Variants in NME9 observed in about 807,000 individuals in gnomAD.
The protein encoded by NME9 is NME/NM23 family member 9.
Under a neutral mutation model 44.4 loss-of-function variants are expected in NME9, and 48 were observed. That is an observed-to-expected ratio of 1.08 (90% confidence interval 0.86 to 1.37). The LOEUF is 1.37. Among genes scored for constraint, NME9 ranks in the 40% most tolerant of loss-of-function variants. The pLI is 0.00. For synonymous variants in NME9, 139 were observed against 147.1 expected (o/e 0.94, Z 0.40); for missense variants, 325 against 405.2 (o/e 0.80, Z 1.70).
chr3:138,280,440 C>T (rs910143308), intron 8 of NME9, among the ~76,000 whole-genome samples: 2 of 151,284 alleles, frequency 1.3e-5, no homozygotes, highest in African/African-American at 4.9e-5. Context: ...GCCTCAGCCT[C>T]CCAAGTAGCT....
downstream of NME9, among the ~76,000 whole-genome samples, chr3:138,299,638 GAGTCACC>G (rs1000491135): frequency 2.0e-5 from 3 of 152,084 alleles, no homozygotes; most frequent in African/African-American, 7.2e-5. Context: ...CAGCATCCCT[GAGTCACC>G]AGTAATGGGA....
In NME9 at chr3:138,315,621, A is replaced by G. The variant is rs562740272; in HGVS notation, c.290T>C (p.Val97Ala). The change falls in exon 5 of 11, where the codon GTT (valine) becomes GCT (alanine). Residue 97 changes from valine (V) to alanine (A), a missense_variant. Coordinates refer to ENST00000333911, the MANE Select transcript of NME9 (RefSeq NM_001349018.2). ...FYAGGELVAV[V>A]RGANAPLLQK... ...CAGCAGTGGGGCATTTGCTCCTCTAACCACAGCCACCAGTTCTCCTCCCTA... is the reference window on the plus strand; with the variant it reads ...CAGCAGTGGGGCATTTGCTCCTCTAGCCACAGCCACCAGTTCTCCTCCCTA... 10 of 1,536,518 alleles carry G rather than the reference A, an allele frequency of 6.5e-6. No homozygotes were observed. In the African/African-American group the frequency reaches 8.2e-5, roughly 13 times the overall value.
chr3:138,272,890 T>C (rs1226095867), intron 8 of NME9: 5 of 1,245,570 alleles, frequency 4.0e-6, no homozygotes, highest in Non-Finnish European at 4.2e-6. Context: ...AAAAAAAAAT[T>C]ACCAGAGTTA....
intron 8 of NME9, among the ~76,000 whole-genome samples, chr3:138,291,787 G>T (rs1031093083): frequency 1.4e-4 from 22 of 152,170 alleles, no homozygotes; most frequent in African/African-American, 5.3e-4. Context: ...GTGATAGTGG[G>T]TTCAAAGGCC....
chr3:138,285,893 C>T (rs2050358336), intron 8 of NME9, among the ~76,000 whole-genome samples: 1 of 152,214 alleles, frequency 6.6e-6, no homozygotes, highest in Non-Finnish European at 1.5e-5. Flanking sequence ...TTTTCCTTAA[C>T]TTCTCATACC....
rs2053992042 is a variant in NME9, at chr3:138,329,450, C to T, written c.-115G>A. The stretch of plus-strand genomic sequence containing the variant: ...CCAGAGCCTCCTTCAGACAAGCCCC[C>T]CTCCTACGGCCCCCGGCCCCTTTTT... On this transcript the variant is annotated 5_prime_UTR_variant, in exon 1 of 11. Coordinates refer to ENST00000333911, the MANE Select transcript of NME9 (RefSeq NM_001349018.2). 1.3e-6 allele frequency: 2 copies of T among 1,509,290 alleles called. No homozygotes were observed. Among genetic ancestry groups the T allele is most frequent in the East Asian group, 2.5e-5 (1 of 39,980 alleles). The allele number at this position is 1,509,290 out of a possible 1,614,324, so 93.5% of individuals were successfully genotyped here.
intron 8 of NME9, among the ~76,000 whole-genome samples, chr3:138,281,125 C>T (rs1326758460): frequency 6.6e-6 from 1 of 151,966 alleles, no homozygotes; most frequent in African/African-American, 2.4e-5. Context: ...TGGATTTGGC[C>T]CAAACCATAA....
At chr3:138,286,588 A>G (rs1021688549) in intron 8 of NME9, among the ~76,000 whole-genome samples, 1 of 152,164 alleles carries the variant, frequency 6.6e-6, no homozygotes, top group Non-Finnish European at 1.5e-5. Context: ...TCATTGTACA[A>G]TAGGACCTCG....
chr3:138,290,396 G>T, intron 8 of NME9: 1 of 612,372 alleles, frequency 1.6e-6, no homozygotes, highest in Non-Finnish European at 2.9e-6. Flanking sequence ...AGCATGAGCG[G>T]GTCCAACTAC....
intron 2 of NME9, among the ~76,000 whole-genome samples, chr3:138,322,374 TG>T (rs1275168818): frequency 2.2e-4 from 1 of 4,454 alleles, no homozygotes; most frequent in African/African-American, 9.0e-4. Flanking sequence ...GAAGCGGGGG[TG>T]GGGGGTAGGG....
At chr3:138,290,033 T>C (rs2050791237) in intron 8 of NME9, among the ~76,000 whole-genome samples, 1 of 152,156 alleles carries the variant, frequency 6.6e-6, no homozygotes, top group Non-Finnish European at 1.5e-5. Flanking sequence ...CAAGGAGATG[T>C]TAGTCTAGTT....
chr3:138,279,319 T>A (rs1462392197), intron 8 of NME9, among the ~76,000 whole-genome samples: 1 of 152,246 alleles, frequency 6.6e-6, no homozygotes, highest in Non-Finnish European at 1.5e-5. Flanking sequence ...TGAAATTGTT[T>A]TTTTAAAACT....
chr3:138,290,107 G>A (rs922107788), intron 8 of NME9, among the ~76,000 whole-genome samples: 1 of 152,220 alleles, frequency 6.6e-6, no homozygotes, highest in Non-Finnish European at 1.5e-5. Flanking sequence ...AACAAAAAGT[G>A]CTGGGAGGAC....
intron 8 of NME9, among the ~76,000 whole-genome samples, chr3:138,284,943 A>G (rs180779721): frequency 6.6e-6 from 1 of 152,354 alleles, no homozygotes; most frequent in Non-Finnish European, 1.5e-5. Context: ...TGCCATGGCC[A>G]TATCCTGCAT....
chr3:138,324,737 CA>C, intron 2 of NME9, 135 bp downstream of exon 2: 1 of 613,512 alleles, frequency 1.6e-6, no homozygotes. Flanking sequence ...CACACACACA[CA>C]CATCACCTGG....
chr3:138,306,219 C>A, intron 7 of NME9, 123 bp from the exon 8 acceptor site: 1 of 837,048 alleles, frequency 1.2e-6, no homozygotes, highest in South Asian at 1.5e-5. Flanking sequence ...AGACACTGAT[C>A]CCCACATTAT....
intron 9 of NME9, 45 bp from the exon 10 acceptor site, chr3:138,303,688 A>G (rs1282726463): frequency 3.8e-6 from 6 of 1,575,054 alleles, no homozygotes; most frequent in Non-Finnish European, 5.2e-6. Context: ...GTTTCATTTG[A>G]AAAGAAATGT....
At chr3:138,284,451 C>A (rs1265207600) in intron 8 of NME9, 1 of 1,613,432 alleles carries the variant, frequency 6.2e-7, no homozygotes, top group Non-Finnish European at 8.5e-7. Context: ...TCTTAGCCAA[C>A]ATAGCGGATG....
At chr3:138,291,352 G>A (rs890481241) in intron 8 of NME9, among the ~76,000 whole-genome samples, 35 of 152,152 alleles carry the variant, frequency 2.3e-4, no homozygotes, top group African/African-American at 8.2e-4. Flanking sequence ...ATACCTGTCC[G>A]CTTACAGTAG....
Sources: allele counts gnomAD v4.1 joint callset (sites outside exome capture counted in the v4.1 genomes callset), GRCh38; gene constraint gnomAD v4.1.1; transcripts MANE v1.5; gene names NCBI Gene and HGNC (gene_info 2026-07-23, HGNC 2026-07-21).